The following ATP9B variants were observed in gnomAD, a reference collection of about 807,000 sequenced individuals.
ATP9B encodes the protein ATPase phospholipid transporting 9B, also known as probable phospholipid-transporting ATPase IIB.
Under a neutral mutation model 146.1 loss-of-function variants are expected in ATP9B, and 110 were observed. The observed-to-expected ratio is 0.75, with a 90% CI of 0.65 to 0.88. The LOEUF (loss-of-function observed/expected upper bound fraction) is 0.88. ATP9B is among the 40% of genes least tolerant of loss of function. ATP9B has a pLI of 0.00. For synonymous variants in ATP9B, 604 were observed against 569.7 expected (o/e 1.06, Z -0.86); for missense variants, 1,499 against 1,496.4 (o/e 1.00, Z -0.03).
intron 11 of ATP9B, among the ~76,000 whole-genome samples, chr18:79,233,582 C>T (rs1157758222): frequency 1.3e-5 from 2 of 152,172 alleles, no homozygotes; most frequent in Non-Finnish European, 2.9e-5. Context: ...AGTGAATTAC[C>T]CAGACCCCAC....
Position 79,309,765 on chromosome 18 carries a change from C to A in ATP9B, c.1773+2531C>A, listed in dbSNP as rs536277663. On this transcript the variant is annotated intron_variant, in intron 15 of 29. Coordinates refer to ENST00000426216, the MANE Select transcript of ATP9B (RefSeq NM_198531.5). ...ATAGATTATCGTGTTGGTTACGCAA[C>A]TCTGTGAATATGCTGAAATTAATTC... is the stretch of plus-strand genomic sequence containing the variant. Among the ~76,000 whole-genome samples the A allele has an allele frequency of 5.3e-5, 8 of 152,252 alleles. No homozygotes were observed. The East Asian group carries it at 1.2e-3, about 22-fold the overall frequency.
At chr18:79,325,175 G>C (rs2096737444) in intron 15 of ATP9B, among the ~76,000 whole-genome samples, 1 of 152,182 alleles carries the variant, frequency 6.6e-6, no homozygotes, top group Non-Finnish European at 1.5e-5. Flanking sequence ...AGCAGGACTA[G>C]CTGGTACTCT....
intron 5 of ATP9B, among the ~76,000 whole-genome samples, chr18:79,132,627 A>G (rs567586870): frequency 6.6e-6 from 1 of 152,192 alleles, no homozygotes; most frequent in Non-Finnish European, 1.5e-5. Context: ...TAGGCTTATT[A>G]TTGAGCACAG....
chr18:79,120,444 T>C (rs1475766321), intron 4 of ATP9B, among the ~76,000 whole-genome samples: 2 of 152,240 alleles, frequency 1.3e-5, no homozygotes, highest in Non-Finnish European at 2.9e-5. Flanking sequence ...TAATTAATAA[T>C]ATTTCTTTTT....
At chr18:79,266,786 G>A (rs1185017660) in intron 12 of ATP9B, among the ~76,000 whole-genome samples, 1 of 151,912 alleles carries the variant, frequency 6.6e-6, no homozygotes, top group African/African-American at 2.4e-5. Flanking sequence ...TTGTATTTCT[G>A]GGGGCAAAAC....
chr18:79,128,244 G>T (rs565673159), intron 5 of ATP9B, among the ~76,000 whole-genome samples: 1 of 151,776 alleles, frequency 6.6e-6, no homozygotes, highest in Admixed American at 6.6e-5. Flanking sequence ...ATTTTTAGTC[G>T]ATACGGGGTT....
intron 11 of ATP9B, among the ~76,000 whole-genome samples, chr18:79,238,426 C>T (rs2095861448): frequency 6.6e-6 from 1 of 152,176 alleles, no homozygotes; most frequent in Non-Finnish European, 1.5e-5. Context: ...ATGTGCAGGG[C>T]CCCTGCCTGG....
At chr18:79,373,856 A>T in intron 27 of ATP9B, 42 bp from the exon 28 acceptor site, 1 of 1,606,206 alleles carries the variant, frequency 6.2e-7, no homozygotes, top group Non-Finnish European at 8.5e-7. Flanking sequence ...GCTGGCTTAC[A>T]CCCTGCTCGT....
chr18:79,092,286 G>GTA (rs2074385734), intron 1 of ATP9B, among the ~76,000 whole-genome samples: 2 of 152,256 alleles, frequency 1.3e-5, no homozygotes, highest in South Asian at 4.1e-4. Flanking sequence ...AGCCTATATG[G>GTA]TATAGCCTAT....
intron 4 of ATP9B, among the ~76,000 whole-genome samples, chr18:79,118,614 A>G (rs1400985692): frequency 6.6e-6 from 1 of 151,532 alleles, no homozygotes. Flanking sequence ...GTTGGCCAGG[A>G]TGGTCTCGAT....
At position 79,333,144 on chromosome 18, in the gene ATP9B, C is replaced by T. The variant is rs149614974; in HGVS notation, c.2028+3040C>T. ...GATGGGTGGTGACAGGGTCTCTGCG[C>T]GTGCCTGGGGGGCCGTGATGTGTTT... On this transcript the variant is annotated intron_variant, in intron 17 of 29. Transcript: ENST00000426216. 743 of 152,504 alleles carry T rather than the reference C, an allele frequency of 4.9e-3. 7 individuals carry two copies. The highest frequency in any genetic ancestry group is 0.017 in the African/African-American group (706 of 41,586). The allele number at this position is 152,504 out of a possible 1,614,324, so 9.4% of individuals were successfully genotyped here. A position where few individuals can be genotyped will look rare whatever the true frequency, so the allele number is the denominator to read the frequency against.
chr18:79,200,374 C>G (rs959454326), intron 9 of ATP9B, among the ~76,000 whole-genome samples: 8 of 152,058 alleles, frequency 5.3e-5, no homozygotes, highest in Non-Finnish European at 8.8e-5. Context: ...ATTTTAATAC[C>G]CACTTCTCAA....
intron 7 of ATP9B, among the ~76,000 whole-genome samples, chr18:79,169,415 A>C (rs1260845274): frequency 6.6e-6 from 1 of 152,152 alleles, no homozygotes; most frequent in Non-Finnish European, 1.5e-5. Flanking sequence ...TATTGGTGAA[A>C]TATGTGGGAG....
At chr18:79,268,900 G>T (rs2096229719) in intron 12 of ATP9B, among the ~76,000 whole-genome samples, 1 of 152,108 alleles carries the variant, frequency 6.6e-6, no homozygotes, top group Admixed American at 6.5e-5. Flanking sequence ...ATTCTAGGCT[G>T]TCACCTTTCT....
At chr18:79,111,949 T>C (rs761332605) in intron 3 of ATP9B, among the ~76,000 whole-genome samples, 5 of 152,246 alleles carry the variant, frequency 3.3e-5, no homozygotes, top group African/African-American at 9.6e-5. Context: ...CTAATAGATA[T>C]AATTTATGCT....
At chr18:79,327,574 C>T (rs867672690) in intron 15 of ATP9B, among the ~76,000 whole-genome samples, 91 of 122,008 alleles carry the variant, frequency 7.5e-4, no homozygotes, top group African/African-American at 2.4e-3. Context: ...CCGTGGTTAG[C>T]GTGCTCTCCG....
chr18:79,106,502 G>A (rs1367762325), intron 2 of ATP9B, among the ~76,000 whole-genome samples: 4 of 152,114 alleles, frequency 2.6e-5, no homozygotes, highest in Non-Finnish European at 4.4e-5. Flanking sequence ...ATGATCCAGG[G>A]GCAGTTCTGG....
At chr18:79,072,485 C>G (rs34022120) in intron 1 of ATP9B, among the ~76,000 whole-genome samples, 1 of 152,124 alleles carries the variant, frequency 6.6e-6, no homozygotes, top group South Asian at 2.1e-4. Context: ...TATAGATTAA[C>G]GGCATCCCAA....
intron 12 of ATP9B, among the ~76,000 whole-genome samples, chr18:79,256,317 C>T (rs1285762886): frequency 8.3e-6 from 1 of 119,840 alleles, no homozygotes; most frequent in East Asian, 2.2e-4. Context: ...TTATTAGTTG[C>T]CTATAGGTTT....
Sources: allele counts gnomAD v4.1 joint callset (sites outside exome capture counted in the v4.1 genomes callset), GRCh38; gene constraint gnomAD v4.1.1; transcripts MANE v1.5; gene names NCBI Gene and HGNC (gene_info 2026-07-23, HGNC 2026-07-21).